Variants in MGLL observed in about 807,000 individuals in gnomAD.
The protein encoded by MGLL is monoglyceride lipase, also known as lysophospholipase homolog.
A neutral mutation model predicts 29.1 loss-of-function variants in MGLL; 7 were observed. That is an observed-to-expected ratio of 0.24 (90% confidence interval 0.14 to 0.45). The LOEUF is 0.45. Among genes scored for constraint, MGLL ranks in the 20% least tolerant of loss-of-function variants. The pLI is 0.99. For missense variants in MGLL, 356 were observed against 413.6 expected (o/e 0.86, Z 1.21); for synonymous variants, 148 against 168.3 (o/e 0.88, Z 0.93).
intron 5 of MGLL, among the ~76,000 whole-genome samples, chr3:127,714,527 G>A (rs1012443412): frequency 6.6e-6 from 1 of 152,344 alleles, no homozygotes; most frequent in African/African-American, 2.4e-5. Context: ...TGGTGTCCCG[G>A]CGACAATAAC....
At chr3:127,796,749 AG>A (rs1412408521) in intron 2 of MGLL, among the ~76,000 whole-genome samples, 1 of 152,202 alleles carries the variant, frequency 6.6e-6, no homozygotes, top group Non-Finnish European at 1.5e-5. Flanking sequence ...TCCCAGCGTA[AG>A]GATAATTAAA....
chr3:127,703,919 C>T (rs1277608833), intron 6 of MGLL, among the ~76,000 whole-genome samples: 1 of 152,106 alleles, frequency 6.6e-6, no homozygotes, highest in Non-Finnish European at 1.5e-5. Context: ...AACGATGGGC[C>T]AGACAATCCT....
intron 2 of MGLL, among the ~76,000 whole-genome samples, chr3:127,811,462 T>C (rs185940713): frequency 9.3e-4 from 142 of 152,296 alleles, no homozygotes; most frequent in African/African-American, 3.4e-3. Context: ...GAGGCAGAGG[T>C]AGTAATAAGA....
At chr3:127,804,471 T>C (rs181525702) in intron 2 of MGLL, among the ~76,000 whole-genome samples, 5 of 152,320 alleles carry the variant, frequency 3.3e-5, no homozygotes, top group Non-Finnish European at 5.9e-5. Context: ...TACAGGGGAA[T>C]GAGTGAGCCT....
rs2076757681 is a variant in MGLL at position 127,761,181 on chromosome 3, A to AAT, written c.262+20607_262+20608insAT. On this transcript the variant is annotated intron_variant, in intron 3 of 7. Coordinates refer to ENST00000265052, the MANE Select transcript of MGLL (RefSeq NM_007283.7). The surrounding 1 kb of genome is among the most constrained non-coding windows in gnomAD (Gnocchi z 4.6). ...GAGGCCCCAGTTGCTGTGTTCAGAT[A>AAT]ACGTACAATTCCCTGTGGCCATCCG... Among the ~76,000 whole-genome samples, 1 of 152,248 alleles carries AAT rather than the reference A, an allele frequency of 6.6e-6. No individual in the cohort carries two copies. Among genetic ancestry groups the AAT allele is most frequent in the East Asian group, 1.9e-4 (1 of 5,200 alleles).
At chr3:127,765,541 C>T (rs886341638) in intron 3 of MGLL, among the ~76,000 whole-genome samples, 3 of 152,340 alleles carry the variant, frequency 2.0e-5, no homozygotes, top group African/African-American at 4.8e-5. Flanking sequence ...GGAAGAGCCA[C>T]GTGTTCTTGT....
At chr3:127,815,317 T>C (rs1369310559) in intron 2 of MGLL, among the ~76,000 whole-genome samples, 4 of 152,138 alleles carry the variant, frequency 2.6e-5, no homozygotes, top group African/African-American at 7.2e-5. Flanking sequence ...AAAGAATACA[T>C]TAAAGGTGTG....
intron 5 of MGLL, chr3:127,715,439 A>G (rs1400576180): frequency 1.8e-5 from 6 of 341,000 alleles, no homozygotes; most frequent in Non-Finnish European, 3.5e-5. Flanking sequence ...GCTTAAAACA[A>G]ATTAGGTGTT....
chr3:127,710,818 G>A, intron 5 of MGLL, 153 bp from the exon 6 acceptor site: 1 of 712,732 alleles, frequency 1.4e-6, no homozygotes, highest in Non-Finnish European at 2.5e-6. Flanking sequence ...AAGCCTGCAT[G>A]CCCAAGGACT....
At chr3:127,752,828 C>T (rs1179239825) in intron 3 of MGLL, among the ~76,000 whole-genome samples, 1 of 152,178 alleles carries the variant, frequency 6.6e-6, no homozygotes, top group East Asian at 1.9e-4. Context: ...CCATCTCTTC[C>T]CCGAGCCTGA....
intron 3 of MGLL, among the ~76,000 whole-genome samples, chr3:127,764,774 A>G (rs1383515338): frequency 1.3e-5 from 2 of 152,198 alleles, no homozygotes; most frequent in Non-Finnish European, 2.9e-5. Flanking sequence ...CTGGAGTCAA[A>G]TCAGGTTTTC....
At chr3:127,745,730 T>G (rs780695799) in intron 3 of MGLL, among the ~76,000 whole-genome samples, 17 of 152,242 alleles carry the variant, frequency 1.1e-4, no homozygotes, top group Middle Eastern at 3.4e-3. Context: ...GATGCCGGGG[T>G]TCCTGGTGCA....
At chr3:127,729,526 T>C (rs564076799) in intron 3 of MGLL, among the ~76,000 whole-genome samples, 1 of 152,336 alleles carries the variant, frequency 6.6e-6, no homozygotes. Context: ...TTTTAAAGTG[T>C]ACCGATTTAG....
intron 3 of MGLL, among the ~76,000 whole-genome samples, chr3:127,743,960 G>A (rs2107658674): frequency 6.6e-6 from 1 of 152,276 alleles, no homozygotes; most frequent in African/African-American, 2.4e-5. Context: ...AGCGAGGAAG[G>A]ATGTCTCCCT....
At chr3:127,779,807 G>A (rs549594215) in intron 3 of MGLL, among the ~76,000 whole-genome samples, 26 of 152,276 alleles carry the variant, frequency 1.7e-4, no homozygotes, top group Non-Finnish European at 3.1e-4. Context: ...TTCTCAGCAA[G>A]AAGGAAATAC....
rs1263794353 is a variant in MGLL at position 127,692,315 on chromosome 3, T to G, written c.825A>C (p.Glu275Asp). Residue 275 changes from glutamate (E) to aspartate (D), a missense_variant, in exon 8 of 8, where the codon GAA becomes GAC. Glu to Asp is a conservative substitution (Grantham distance 45). Transcript: ENST00000265052. ...KSQDKTLKIY[E>D]GAYHVLHKEL... ...CCTTGTGGAGAACATGGTAGGCACCTTCATAAATCTGCAATGAGGAGAGAC... is the reference window on the plus strand; with the variant it reads ...CCTTGTGGAGAACATGGTAGGCACCGTCATAAATCTGCAATGAGGAGAGAC... The G allele has an allele frequency of 6.2e-7, 1 of 1,614,086 alleles. No homozygotes were observed. The highest frequency in any genetic ancestry group is 2.2e-5 in the East Asian group (1 of 44,872).
Position 127,822,394 on chromosome 3 carries a change from T to C in MGLL, c.-76A>G. Reference sequence around the variant, plus strand: ...CCAGGCAAATCGGGCTGTTCCCTCATCTGGGCGGCCCCAAGGCAGCAGGAA... The same window carrying C: ...CCAGGCAAATCGGGCTGTTCCCTCACCTGGGCGGCCCCAAGGCAGCAGGAA... On this transcript the variant is annotated 5_prime_UTR_variant, in exon 1 of 8. An upstream start codon of the reference 5' UTR is lost. Coordinates refer to ENST00000265052, the MANE Select transcript of MGLL (RefSeq NM_007283.7). 2 of 1,532,144 alleles carry C rather than the reference T, an allele frequency of 1.3e-6. No homozygotes were observed. Among genetic ancestry groups the C allele is most frequent in the South Asian group, 2.2e-5 (2 of 89,042 alleles). 94.9% of individuals were successfully genotyped at this position (1,532,144 alleles called of 1,614,324 possible). A position where few individuals can be genotyped will look rare whatever the true frequency, so the allele number is the denominator to read the frequency against.
chr3:127,747,767 C>T (rs543210428), intron 3 of MGLL, among the ~76,000 whole-genome samples: 3 of 152,326 alleles, frequency 2.0e-5, no homozygotes, highest in Middle Eastern at 3.4e-3. Flanking sequence ...TTGAGCTCCT[C>T]AGCTGCTGTC....
chr3:127,743,194 T>A (rs2076377538), intron 3 of MGLL, among the ~76,000 whole-genome samples: 1 of 152,174 alleles, frequency 6.6e-6, no homozygotes, highest in Non-Finnish European at 1.5e-5. Flanking sequence ...CAAGAAACAA[T>A]CTTCCAGTTT....
Sources: allele counts gnomAD v4.1 joint callset (sites outside exome capture counted in the v4.1 genomes callset), GRCh38; gene constraint gnomAD v4.1.1; non-coding constraint Gnocchi (gnomAD v3.1); transcripts MANE v1.5; gene names NCBI Gene and HGNC (gene_info 2026-07-23, HGNC 2026-07-21).